ZC2HC1A: variants seen among roughly 807,000 people sequenced by gnomAD.
ZC2HC1A encodes zinc finger C2HC-type containing 1A.
In ZC2HC1A, 28 loss-of-function variants were observed where a neutral mutation model predicts 40.7. That is an observed-to-expected ratio of 0.69 (90% CI 0.51 to 0.94). ZC2HC1A has a LOEUF of 0.94. ZC2HC1A is among the 40% of genes least tolerant of loss of function. The pLI is 0.00. For missense variants in ZC2HC1A, 389 were observed against 386.3 expected (o/e 1.01, Z -0.06); for synonymous variants, 129 against 129.2 (o/e 1.00, Z 0.01).
At chr8:78,710,325 G>A (rs1283682476) in intron 7 of ZC2HC1A, among the ~76,000 whole-genome samples, 3 of 152,162 alleles carry the variant, frequency 2.0e-5, no homozygotes, top group Non-Finnish European at 2.9e-5. Context: ...CAAGTTGAAT[G>A]TTATAATACA....
At position 78,686,427 on chromosome 8, in the gene ZC2HC1A, GTTTGTTTA is replaced by G. The variant is rs757438929; in HGVS notation, c.211-36_211-29del. On this transcript the variant is annotated intron_variant, in intron 3 of 8. Transcript: ENST00000263849. ...TATTTCAATATACTAAAAAGATACT[GTTTGTTTA>G]TTTATTTATTTATTTATTTATTTAT... 4.2e-5 allele frequency: 51 copies of G among 1,224,320 alleles called. 1 individual carries two copies. The East Asian group carries it at 6.2e-4, about 15-fold the overall frequency. The allele number at this position is 1,224,320 out of a possible 1,614,324, so 75.8% of individuals were successfully genotyped here.
intron 8 of ZC2HC1A, among the ~76,000 whole-genome samples, chr8:78,715,697 A>C (rs1811079790): frequency 6.6e-6 from 1 of 152,172 alleles, no homozygotes; most frequent in African/African-American, 2.4e-5. Flanking sequence ...AACTAGAATC[A>C]GAAGGGAAGC....
At chr8:78,673,068 C>T (rs1263003583) in intron 1 of ZC2HC1A, among the ~76,000 whole-genome samples, 1 of 151,994 alleles carries the variant, frequency 6.6e-6, no homozygotes, top group Non-Finnish European at 1.5e-5. Context: ...CTCCTTTTGC[C>T]TCCCACCCCC....
At chr8:78,712,144 G>A in intron 7 of ZC2HC1A, 2 of 1,173,134 alleles carry the variant, frequency 1.7e-6, no homozygotes, top group Non-Finnish European at 2.2e-6. Flanking sequence ...ATATTTTTCA[G>A]ATATTTCCTT....
At chr8:78,698,833 A>G (rs972360477) in intron 7 of ZC2HC1A, among the ~76,000 whole-genome samples, 1 of 152,208 alleles carries the variant, frequency 6.6e-6, no homozygotes, top group Non-Finnish European at 1.5e-5. Context: ...ACTATGTATC[A>G]GGCACTGTGC....
At chr8:78,678,705 A>G (rs747078820) in intron 3 of ZC2HC1A, 26 bp downstream of exon 3, 9 of 1,528,220 alleles carry the variant, frequency 5.9e-6, no homozygotes, top group Non-Finnish European at 7.1e-6. Flanking sequence ...TTTGAACAGT[A>G]TGAACTTTGG....
intron 8 of ZC2HC1A, among the ~76,000 whole-genome samples, chr8:78,715,964 T>A (rs563818410): frequency 2.8e-5 from 4 of 140,458 alleles, no homozygotes; most frequent in African/African-American, 1.1e-4. Flanking sequence ...TGCTTGAACC[T>A]GGGAGGCAGA....
At chr8:78,694,416 C>T (rs1051688198) in intron 5 of ZC2HC1A, among the ~76,000 whole-genome samples, 1 of 151,804 alleles carries the variant, frequency 6.6e-6, no homozygotes, top group Non-Finnish European at 1.5e-5. Flanking sequence ...AAGATGTGTG[C>T]TGTGCTTATT....
At position 78,718,048 on chromosome 8, in the gene ZC2HC1A, A is replaced by AG. The variant is rs1014024290; in HGVS notation, c.*556dup. 6.6e-6 allele frequency: 1 copy of AG among 151,996 alleles called. No homozygotes were observed. The highest frequency in any genetic ancestry group is 2.1e-4 in the South Asian group (1 of 4,834). 9.4% of individuals were successfully genotyped at this position (151,996 alleles called of 1,614,324 possible). A position where few individuals can be genotyped will look rare whatever the true frequency, so the allele number is the denominator to read the frequency against. ...TATTTCATAAATCCGAAAAACTAAG[A>AG]GAAAAAAAAACCCCTCTATTAGTTA... On this transcript the variant is annotated 3_prime_UTR_variant, in exon 9 of 9. Coordinates refer to ENST00000263849, the MANE Select transcript of ZC2HC1A (RefSeq NM_016010.3).
intron 7 of ZC2HC1A, chr8:78,712,252 GA>G: frequency 2.7e-6 from 1 of 364,344 alleles, no homozygotes; most frequent in South Asian, 2.6e-5. Context: ...AATAATCTAG[GA>G]TTTAAAACAT....
intron 3 of ZC2HC1A, 38 bp from the exon 4 acceptor site, chr8:78,686,429 T>C: frequency 8.1e-7 from 1 of 1,228,828 alleles, no homozygotes; most frequent in Non-Finnish European, 1.0e-6. Flanking sequence ...AAGATACTGT[T>C]TGTTTATTTA....
rs369497223 is a variant in ZC2HC1A, at chr8:78,672,399, A to C, written c.17-3388A>C. Among the ~76,000 whole-genome samples, 14 of 152,240 alleles carry C rather than the reference A, an allele frequency of 9.2e-5. No homozygotes were observed. In the South Asian group the frequency reaches 2.7e-3, roughly 29 times the overall value. On this transcript the variant is annotated intron_variant, in intron 1 of 8. Coordinates refer to ENST00000263849, the MANE Select transcript of ZC2HC1A (RefSeq NM_016010.3). ...ATCATATGTATAAAATAACAATTCA[A>C]ATAATACATGCGGTTTGCATAACTA...
chr8:78,701,550 A>G (rs1390022497), intron 7 of ZC2HC1A, among the ~76,000 whole-genome samples: 3 of 152,180 alleles, frequency 2.0e-5, no homozygotes, highest in Admixed American at 6.5e-5. Context: ...GAGTGGTGAG[A>G]AAGGGCATCT....
chr8:78,711,897 A>T (rs1438027073), intron 7 of ZC2HC1A: 3 of 682,062 alleles, frequency 4.4e-6, no homozygotes, highest in Non-Finnish European at 6.7e-6. Flanking sequence ...GGGAGTAGAT[A>T]TCTGATGAAC....
chr8:78,698,800 A>G (rs1024700705), intron 7 of ZC2HC1A, among the ~76,000 whole-genome samples: 1 of 152,192 alleles, frequency 6.6e-6, no homozygotes, highest in Admixed American at 6.5e-5. Context: ...GACGATTTTT[A>G]TACTAACTAT....
Position 78,697,454 on chromosome 8 carries a change from A to T in ZC2HC1A, c.552A>T (p.Ser184=), listed in dbSNP as rs1474057394. Reference sequence around the variant, plus strand: ...AGTCAAATTCTCCTGGAACTGCATCATCAGGATCTTCACGATTACCGCAGC... The same window carrying T: ...AGTCAAATTCTCCTGGAACTGCATCTTCAGGATCTTCACGATTACCGCAGC... ...LKKSNSPGTA[S]SGSSRLPQPS... The change falls in exon 6 of 9, where the codon TCA becomes TCT. Residue 184 remains serine (S), a synonymous_variant. Coordinates refer to ENST00000263849, the MANE Select transcript of ZC2HC1A (RefSeq NM_016010.3). 6.2e-7 allele frequency: 1 copy of T among 1,610,626 alleles called. No homozygotes were observed. Among genetic ancestry groups the T allele is most frequent in the South Asian group, 1.1e-5 (1 of 90,320 alleles).
chr8:78,702,564 C>T (rs1810639532), intron 7 of ZC2HC1A, among the ~76,000 whole-genome samples: 1 of 152,002 alleles, frequency 6.6e-6, no homozygotes, highest in Non-Finnish European at 1.5e-5. Context: ...TGGTTGTTAA[C>T]TTGAGATCTT....
intron 7 of ZC2HC1A, among the ~76,000 whole-genome samples, chr8:78,702,699 C>T (rs988649151): frequency 4.6e-5 from 7 of 152,016 alleles, no homozygotes; most frequent in Admixed American, 2.0e-4. Context: ...CCGATTTCTG[C>T]GTTAATTTCA....
At position 78,717,381 on chromosome 8, in the gene ZC2HC1A, A is replaced by G. The variant is rs1811140782; in HGVS notation, c.866A>G (p.Glu289Gly). Residue 289 changes from glutamate to glycine, a missense_variant, in exon 9 of 9, where the codon GAA (glutamate) becomes GGA (glycine). Transcript: ENST00000263849. ...AATGGTGGAAATATTAAAGGCATTG[A>G]AGGACATTCACCTGGAAACTTACCA... ...SLNGGNIKGI[E>G]GHSPGNLPKF... 1 of 1,613,782 alleles carries G rather than the reference A, an allele frequency of 6.2e-7. No individual in the cohort carries two copies. The highest frequency in any genetic ancestry group is 1.3e-5 in the African/African-American group (1 of 74,882).
Sources: allele counts gnomAD v4.1 joint callset (sites outside exome capture counted in the v4.1 genomes callset), GRCh38; gene constraint gnomAD v4.1.1; transcripts MANE v1.5; gene names NCBI Gene and HGNC (gene_info 2026-07-23, HGNC 2026-07-21).